The following ZNF420 variants were observed in gnomAD, a reference collection of about 807,000 sequenced individuals.
ZNF420 encodes zinc finger protein 420.
ZNF420 carries 31 observed loss-of-function variants against 44.7 expected under a neutral mutation model. The observed-to-expected ratio is 0.69, with a 90% CI of 0.52 to 0.94. The LOEUF is 0.94. Among genes scored for constraint, ZNF420 ranks in the 40% least tolerant of loss-of-function variants. ZNF420 has a pLI of 0.00. For synonymous variants in ZNF420, 245 were observed against 267.4 expected, an observed-to-expected ratio of 0.92 and a Z score of 0.82; for missense variants, 681 against 827.9, an observed-to-expected ratio of 0.82 and a Z score of 2.18.
rs1967264342 is a variant in ZNF420 at position 37,031,869 on chromosome 19, G to T, written c.-125+23787G>T. ...TCTGGCTTCTTTTACTCAATATTAA[G>T]TATTTAAGATTCACACTTAGCTTTG... On this transcript the variant is annotated intron_variant, in intron 1 of 4. Coordinates refer to the ZNF420 transcript ENST00000587029. Among the ~76,000 whole-genome samples the T allele has an allele frequency of 2.0e-5, 3 of 152,272 alleles. No individual in the cohort carries two copies. In the South Asian group the frequency reaches 6.2e-4, roughly 32 times the overall value.
At chr19:37,116,368 CAA>C (rs57611154) in intron 4 of ZNF420, among the ~76,000 whole-genome samples, 5 of 75,896 alleles carry the variant, frequency 6.6e-5, no homozygotes, top group South Asian at 9.2e-4. Flanking sequence ...GACTCCACCT[CAA>C]AAAAAAAAAA....
chr19:37,103,546 T>G (rs1969897804), intron 4 of ZNF420, among the ~76,000 whole-genome samples: 2 of 152,244 alleles, frequency 1.3e-5, no homozygotes, highest in Non-Finnish European at 2.9e-5. Context: ...GTCCCTGAGC[T>G]GATCTCACTG....
chr19:37,104,925 A>C (rs1326162435), intron 4 of ZNF420, among the ~76,000 whole-genome samples: 1 of 152,128 alleles, frequency 6.6e-6, no homozygotes, highest in Admixed American at 6.5e-5. Flanking sequence ...TAGATTGCAA[A>C]CATTTTCTCC....
intron 4 of ZNF420, among the ~76,000 whole-genome samples, chr19:37,112,628 T>C (rs535559671): frequency 6.6e-6 from 1 of 152,312 alleles, no homozygotes; most frequent in South Asian, 2.1e-4. Flanking sequence ...ACTTGCCCAA[T>C]ATGCAGCCTA....
intron 1 of ZNF420, among the ~76,000 whole-genome samples, chr19:37,040,429 C>G (rs968958957): frequency 6.6e-6 from 1 of 152,160 alleles, no homozygotes; most frequent in Non-Finnish European, 1.5e-5. Flanking sequence ...TAAACTTTCT[C>G]CATACCAGCA....
At chr19:37,083,760 C>T (rs1968604253) in intron 2 of ZNF420, among the ~76,000 whole-genome samples, 1 of 152,144 alleles carries the variant, frequency 6.6e-6, no homozygotes, top group Non-Finnish European at 1.5e-5. Context: ...ATAAAATCAG[C>T]CACTTCTTTA....
chr19:37,117,680 C>A (rs1028447203), intron 4 of ZNF420, among the ~76,000 whole-genome samples: 26 of 149,774 alleles, frequency 1.7e-4, no homozygotes, highest in African/African-American at 6.0e-4. Context: ...TCCCGAGCTA[C>A]AGGAGGAAAT....
intron 4 of ZNF420, among the ~76,000 whole-genome samples, chr19:37,122,039 G>A (rs1188124978): frequency 3.9e-5 from 6 of 152,236 alleles, no homozygotes; most frequent in Non-Finnish European, 8.8e-5. Flanking sequence ...TTCAACCATT[G>A]TGGAAGTCAG....
chr19:37,027,824 C>T (rs1212808868), intron 1 of ZNF420, among the ~76,000 whole-genome samples: 1 of 152,108 alleles, frequency 6.6e-6, no homozygotes, highest in Non-Finnish European at 1.5e-5. Context: ...TTATGCATTT[C>T]CCTATTGTAG....
chr19:37,119,305 G>C (rs1056838543), intron 4 of ZNF420, among the ~76,000 whole-genome samples: 3 of 152,168 alleles, frequency 2.0e-5, no homozygotes, highest in African/African-American at 7.2e-5. Context: ...CTAGAACTCA[G>C]GATTAAGAAA....
At chr19:37,066,434 C>CAAA (rs201752057) in intron 1 of ZNF420, among the ~76,000 whole-genome samples, 2,701 of 141,246 alleles carry the variant, frequency 0.019, 87 homozygotes, top group African/African-American at 0.065. Flanking sequence ...GAGTCTGTCT[C>CAAA]AAAAAAAAAA....
At chr19:37,025,708 C>T (rs1467477728) in intron 1 of ZNF420, among the ~76,000 whole-genome samples, 1 of 151,274 alleles carries the variant, frequency 6.6e-6, no homozygotes, top group Non-Finnish European at 1.5e-5. Flanking sequence ...GCTGAGAAGA[C>T]AGCCTGTCTC....
At position 37,088,915 on chromosome 19, in the gene ZNF420, C is replaced by G. The variant is rs1968978339; in HGVS notation, c.-80-124C>G. 3 of 565,580 alleles carry G rather than the reference C, an allele frequency of 5.3e-6. No homozygotes were observed. The South Asian group carries it at 6.6e-5, about 12-fold the overall frequency. 35.0% of individuals were successfully genotyped at this position (565,580 alleles called of 1,614,324 possible). A position where few individuals can be genotyped will look rare whatever the true frequency, so the allele number is the denominator to read the frequency against. The stretch of plus-strand genomic sequence containing the variant: ...TTAAGAACCACAACATATGTCTGTC[C>G]CCCTTAGTGTGTGTTTTGGGGGTGG... On this transcript the variant is annotated intron_variant, in intron 2 of 4. Coordinates refer to ENST00000337995, the MANE Select transcript of ZNF420 (RefSeq NM_144689.5).
intron 4 of ZNF420, among the ~76,000 whole-genome samples, chr19:37,117,387 C>G (rs924696145): frequency 2.0e-5 from 3 of 152,204 alleles, no homozygotes; most frequent in African/African-American, 4.8e-5. Flanking sequence ...CTAGCAAACT[C>G]CAACAGACCT....
At chr19:37,013,933 C>G (rs1024586414) in intron 1 of ZNF420, among the ~76,000 whole-genome samples, 2 of 152,120 alleles carry the variant, frequency 1.3e-5, no homozygotes, top group Non-Finnish European at 2.9e-5. Flanking sequence ...TCTCCAAGGT[C>G]GTTTGGGGTG....
chr19:37,126,270 GTGTT>G (rs1411029232), intron 4 of ZNF420, among the ~76,000 whole-genome samples: 1 of 152,168 alleles, frequency 6.6e-6, no homozygotes, highest in Non-Finnish European at 1.5e-5. Flanking sequence ...ATGAGGAAGA[GTGTT>G]TGTATAGTCT....
chr19:37,041,666 T>C (rs992729571), intron 1 of ZNF420, among the ~76,000 whole-genome samples: 2 of 152,196 alleles, frequency 1.3e-5, no homozygotes, highest in Admixed American at 6.5e-5. Context: ...TCTAGAAACA[T>C]TGGAAGATCC....
rs35374722 is a variant in ZNF420 at position 37,110,674 on chromosome 19, A to G, written c.137-16454A>G. Among the ~76,000 whole-genome samples the G allele has an allele frequency of 6.2e-3, 941 of 152,214 alleles. 28 individuals are homozygous for G. Among genetic ancestry groups the G allele is most frequent in the East Asian group, 0.049 (257 of 5,192 alleles). ...GCAGAATCTGATACAATATTGATAGATTGATCAAAATCTTATAACACTGTA... is the reference window on the plus strand; with the variant it reads ...GCAGAATCTGATACAATATTGATAGGTTGATCAAAATCTTATAACACTGTA... On this transcript the variant is annotated intron_variant, in intron 4 of 4. Coordinates refer to ENST00000337995, the MANE Select transcript of ZNF420 (RefSeq NM_144689.5).
intron 4 of ZNF420, among the ~76,000 whole-genome samples, chr19:37,113,432 G>A (rs1448306699): frequency 2.0e-5 from 3 of 152,120 alleles, no homozygotes; most frequent in Admixed American, 6.5e-5. Context: ...AGGCTTTTAC[G>A]TACTCTTGAG....
Sources: allele counts gnomAD v4.1 joint callset (sites outside exome capture counted in the v4.1 genomes callset), GRCh38; gene constraint gnomAD v4.1.1; transcripts MANE v1.5; gene names NCBI Gene and HGNC (gene_info 2026-07-23, HGNC 2026-07-21).